RGL1: variants seen among roughly 807,000 people sequenced by gnomAD.
RGL1 encodes the protein ral guanine nucleotide dissociation stimulator like 1.
RGL1 carries 24 observed loss-of-function variants against 95.2 expected under a neutral mutation model. The ratio of observed to expected loss-of-function variants is 0.25; its 90% CI spans 0.18 to 0.35. RGL1 has a LOEUF of 0.35. Among genes scored for constraint, RGL1 ranks in the 10% least tolerant of loss-of-function variants. RGL1 has a pLI of 1.00. For synonymous variants in RGL1, 329 were observed against 344.9 expected (o/e 0.95, Z 0.51); for missense variants, 715 against 936.3 (o/e 0.76, Z 3.08).
chr1:183,849,016 CATATACTTACCTA>C (rs1199971110), intron 3 of RGL1, among the ~76,000 whole-genome samples: 6 of 152,020 alleles, frequency 3.9e-5, no homozygotes, highest in Admixed American at 6.5e-5. Context: ...TCATATGACA[CATATACTTACCTA>C]TGATACAGAT....
chr1:183,644,184 A>G (rs1364135615), intron 1 of RGL1, among the ~76,000 whole-genome samples: 2 of 152,222 alleles, frequency 1.3e-5, no homozygotes. Context: ...GAGAAGCATT[A>G]AGGCATAATG....
chr1:183,912,275 A>G lies in RGL1; in HGVS notation c.1749+7A>G, dbSNP rs73049207. 3,171 of 1,609,130 alleles carry G rather than the reference A, an allele frequency of 2.0e-3. 59 individuals are homozygous for G. In the African/African-American group the frequency reaches 0.037, roughly 19 times the overall value. On this transcript the variant is annotated splice_region_variant and intron_variant, in intron 15 of 17. Coordinates refer to ENST00000360851, the MANE Select transcript of RGL1 (RefSeq NM_001297671.3). The stretch of plus-strand genomic sequence containing the variant: ...TGATGAGCCTCAAAAAAAGGTATAT[A>G]CTCAACCCTTCTCATAATTCCTAAT...
chr1:183,758,699 C>T (rs1200924567), intron 2 of RGL1, among the ~76,000 whole-genome samples: 3 of 152,096 alleles, frequency 2.0e-5, no homozygotes, highest in Non-Finnish European at 4.4e-5. Flanking sequence ...ACTCTACCCT[C>T]ATGACCTTAT....
intron 1 of RGL1, among the ~76,000 whole-genome samples, chr1:183,712,378 G>T (rs1655336121): frequency 6.6e-6 from 1 of 152,212 alleles, no homozygotes; most frequent in Admixed American, 6.5e-5. Flanking sequence ...GGTTGTAAGC[G>T]ATTCATTTTT....
chr1:183,815,233 C>G (rs1261568679), intron 2 of RGL1, among the ~76,000 whole-genome samples: 1 of 151,274 alleles, frequency 6.6e-6, no homozygotes, highest in Non-Finnish European at 1.5e-5. Flanking sequence ...GAAATGGTGC[C>G]ACTGCACTCT....
At chr1:183,857,817 C>T (rs1257684380) in intron 3 of RGL1, among the ~76,000 whole-genome samples, 1 of 152,154 alleles carries the variant, frequency 6.6e-6, no homozygotes, top group Non-Finnish European at 1.5e-5. Flanking sequence ...CTGTCACCTG[C>T]CAACACTATG....
At chr1:183,636,514 T>C (rs1649540705) in intron 1 of RGL1, 1 of 218,832 alleles carries the variant, frequency 4.6e-6, no homozygotes, top group African/African-American at 2.3e-5. Context: ...ATCAAATCTA[T>C]TGGGAGGGAG....
intron 2 of RGL1, among the ~76,000 whole-genome samples, chr1:183,757,938 A>G (rs1364364281): frequency 1.3e-5 from 2 of 152,200 alleles, no homozygotes; most frequent in African/African-American, 2.4e-5. Flanking sequence ...TCTTGTCCAG[A>G]CCATAACCAT....
At position 183,879,257 on chromosome 1, in the gene RGL1, G is replaced by A. The variant is rs571456043; in HGVS notation, c.426-1359G>A. 2.3e-4 allele frequency among the ~76,000 whole-genome samples: 35 copies of A among 152,214 alleles called. No homozygotes were observed. In the South Asian group the frequency reaches 7.3e-3, roughly 32 times the overall value. ...TAACACATTTATTTTCTTTCTGTTT[G>A]TACTTCAATTCCAAAAGTTAAGCAT... On this transcript the variant is annotated intron_variant, in intron 4 of 17. Coordinates refer to ENST00000360851, the MANE Select transcript of RGL1 (RefSeq NM_001297671.3).
chr1:183,686,911 A>T (rs1482895115), intron 1 of RGL1, among the ~76,000 whole-genome samples: 2 of 152,164 alleles, frequency 1.3e-5, no homozygotes, highest in African/African-American at 4.8e-5. Flanking sequence ...TTTTTCTCCC[A>T]AAGACTTCTC....
chr1:183,659,950 C>T (rs953721858), intron 1 of RGL1, among the ~76,000 whole-genome samples: 24 of 150,536 alleles, frequency 1.6e-4, no homozygotes, highest in African/African-American at 6.0e-4. Context: ...TCATATCCAG[C>T]CAAACTAAGC....
chr1:183,861,766 A>G (rs1314343416), intron 3 of RGL1, among the ~76,000 whole-genome samples: 1 of 152,230 alleles, frequency 6.6e-6, no homozygotes, highest in Non-Finnish European at 1.5e-5. Flanking sequence ...GAAATTGGAC[A>G]CGACATCGTT....
chr1:183,658,433 C>G (rs570996279), intron 1 of RGL1, among the ~76,000 whole-genome samples: 2 of 152,208 alleles, frequency 1.3e-5, no homozygotes, highest in African/African-American at 4.8e-5. Flanking sequence ...GAGGGTCCTA[C>G]GCCCACGGAG....
chr1:183,910,545 A>T (rs1001753663), intron 14 of RGL1, among the ~76,000 whole-genome samples: 1 of 152,180 alleles, frequency 6.6e-6, no homozygotes, highest in Non-Finnish European at 1.5e-5. Context: ...CTCTTCTGAT[A>T]TGGGCCTTCT....
At chr1:183,889,207 G>A (rs1462177641) in intron 8 of RGL1, among the ~76,000 whole-genome samples, 1 of 152,048 alleles carries the variant, frequency 6.6e-6, no homozygotes, top group African/African-American at 2.4e-5. Context: ...GAACTTCACT[G>A]TAGATCAAAG....
At chr1:183,758,769 T>A (rs1286648342) in intron 2 of RGL1, among the ~76,000 whole-genome samples, 1 of 152,184 alleles carries the variant, frequency 6.6e-6, no homozygotes, top group Non-Finnish European at 1.5e-5. Flanking sequence ...GTTTTCAACC[T>A]AACAAAGTTT....
At chr1:183,769,312 T>G (rs916121280) in intron 2 of RGL1, among the ~76,000 whole-genome samples, 2 of 152,252 alleles carry the variant, frequency 1.3e-5, no homozygotes, top group African/African-American at 4.8e-5. Context: ...TTGGCTGAGT[T>G]TATAGCTTTA....
In RGL1 at chr1:183,856,340, T is replaced by C. The variant is rs181580624; in HGVS notation, c.347+8566T>C. Among the ~76,000 whole-genome samples, 468 of 152,012 alleles carry C rather than the reference T, an allele frequency of 3.1e-3. 1 individual carries two copies. Among genetic ancestry groups the C allele is most frequent in the Non-Finnish European group, 3.1e-3 (212 of 67,974 alleles). The stretch of plus-strand genomic sequence containing the variant: ...ACATATATATATATGTTCTGTTATG[T>C]ATATGACCCTCTCTACTAGTTTCCA... On this transcript the variant is annotated intron_variant, in intron 3 of 17. Transcript: ENST00000360851.
chr1:183,881,221 A>G (rs964015722), intron 5 of RGL1, among the ~76,000 whole-genome samples: 8 of 152,138 alleles, frequency 5.3e-5, no homozygotes, highest in African/African-American at 1.9e-4. Flanking sequence ...CTTCCATCAC[A>G]ACCACTCCCG....
Sources: gnomAD v4.1 joint callset for allele counts (sites outside exome capture counted in the v4.1 genomes callset) on GRCh38, gnomAD v4.1.1 for gene constraint, MANE v1.5 for transcripts, NCBI Gene and HGNC (gene_info 2026-07-23, HGNC 2026-07-21) for gene names.